COL11A1: variants seen among roughly 807,000 people sequenced by gnomAD.
The protein encoded by COL11A1 is collagen alpha-1(XI) chain.
In COL11A1, 74 loss-of-function variants were observed where a neutral mutation model predicts 265.2. The observed-to-expected ratio is 0.28, with a 90% CI of 0.23 to 0.34. The LOEUF is 0.34. Ranked by LOEUF, COL11A1 falls within the 10% of genes least tolerant of loss-of-function variation. COL11A1 has a pLI of 1.00. For missense variants in COL11A1, 2,165 were observed against 2,263.6 expected, an observed-to-expected ratio of 0.96 and a Z score of 0.88; for synonymous variants, 816 against 727.6, an observed-to-expected ratio of 1.12 and a Z score of -1.96.
intron 25 of COL11A1, 151 bp from the exon 26 acceptor site, chr1:102,997,275 T>C (rs1664722371): frequency 1.4e-6 from 1 of 721,650 alleles, no homozygotes; most frequent in Non-Finnish European, 2.4e-6. Flanking sequence ...TGTATGGCTT[T>C]AAATAAATTG....
intron 1 of COL11A1, among the ~76,000 whole-genome samples, chr1:103,084,809 T>C (rs1050275973): frequency 6.6e-6 from 1 of 152,118 alleles, no homozygotes; most frequent in South Asian, 2.1e-4. Context: ...ATTGAGCAAA[T>C]CAACTTTAAT....
chr1:103,004,091 A>AT (rs1665379586), intron 20 of COL11A1, among the ~76,000 whole-genome samples: 2 of 152,032 alleles, frequency 1.3e-5, no homozygotes, highest in East Asian at 1.9e-4. Flanking sequence ...GTGACATATT[A>AT]TTTTTTTTCT....
chr1:102,881,583 G>C (rs1298836319), intron 65 of COL11A1, 114 bp downstream of exon 65: 22 of 854,114 alleles, frequency 2.6e-5, no homozygotes, highest in Middle Eastern at 2.4e-4. Flanking sequence ...GAGACCACAG[G>C]GAATCCTCAT....
intron 31 of COL11A1, among the ~76,000 whole-genome samples, chr1:102,980,103 G>A (rs1337632785): frequency 6.6e-6 from 1 of 151,970 alleles, no homozygotes; most frequent in South Asian, 2.1e-4. Context: ...AGTAAGTTTG[G>A]TACATTACTT....
chr1:103,033,873 A>T (rs1006263281), intron 4 of COL11A1, among the ~76,000 whole-genome samples: 1 of 152,114 alleles, frequency 6.6e-6, no homozygotes, highest in Non-Finnish European at 1.5e-5. Context: ...GACTCCAGCT[A>T]TCTTCCGACT....
intron 31 of COL11A1, among the ~76,000 whole-genome samples, chr1:102,983,919 G>A (rs1202521996): frequency 6.6e-6 from 1 of 151,962 alleles, no homozygotes; most frequent in African/African-American, 2.4e-5. Flanking sequence ...TTATGCCTTC[G>A]TTTCATGATT....
intron 18 of COL11A1, 150 bp downstream of exon 18, chr1:103,005,688 A>T: frequency 1.3e-6 from 1 of 778,564 alleles, no homozygotes; most frequent in Non-Finnish European, 2.1e-6. Flanking sequence ...GTGTAATTTT[A>T]CCTATTTTCC....
chr1:103,050,672 G>T (rs1669739553), intron 4 of COL11A1, among the ~76,000 whole-genome samples: 1 of 152,074 alleles, frequency 6.6e-6, no homozygotes, highest in Non-Finnish European at 1.5e-5. Flanking sequence ...AGGAGGAGAG[G>T]TCCTCTGATT....
intron 35 of COL11A1, among the ~76,000 whole-genome samples, chr1:102,976,524 C>A (rs1001331345): frequency 6.6e-6 from 1 of 151,910 alleles, no homozygotes; most frequent in African/African-American, 2.4e-5. Flanking sequence ...GTCTCGAACT[C>A]CTGACCTCAG....
chr1:102,983,362 G>GA (rs1391196273), intron 31 of COL11A1, among the ~76,000 whole-genome samples: 4 of 151,740 alleles, frequency 2.6e-5, no homozygotes, highest in Admixed American at 2.0e-4. Context: ...ACTTGGAAAA[G>GA]AAAAAAAAGT....
rs555032774 is a variant in COL11A1, at chr1:102,955,654, A to G, written c.3168+6212T>C. 4.2e-4 allele frequency among the ~76,000 whole-genome samples: 64 copies of G among 152,338 alleles called. 1 individual carries two copies. In the South Asian group the frequency reaches 5.6e-3, roughly 13 times the overall value. On this transcript the variant is annotated intron_variant, in intron 41 of 66. Coordinates refer to ENST00000370096, the MANE Select transcript of COL11A1 (RefSeq NM_001854.4). ...AGAATATCTGGAGGAGAGATTATTT[A>G]GGGAAAATATATTTTCCCTAAATAT...
chr1:102,956,113 C>T (rs190324835), intron 41 of COL11A1, among the ~76,000 whole-genome samples: 1 of 152,204 alleles, frequency 6.6e-6, no homozygotes, highest in Non-Finnish European at 1.5e-5. Flanking sequence ...TTTAGATAAC[C>T]CTAACCTTGA....
intron 4 of COL11A1, among the ~76,000 whole-genome samples, chr1:103,040,905 G>A (rs1668761701): frequency 6.6e-6 from 1 of 151,522 alleles, no homozygotes; most frequent in Admixed American, 6.6e-5. Context: ...GTTTTTGAAA[G>A]ATTATGTATA....
At chr1:102,979,354 T>C in intron 32 of COL11A1, 28 bp downstream of exon 32, 1 of 1,562,858 alleles carries the variant, frequency 6.4e-7, no homozygotes, top group Non-Finnish European at 8.8e-7. Flanking sequence ...CTTATATACA[T>C]AGTTCAAAAC....
intron 46 of COL11A1, among the ~76,000 whole-genome samples, chr1:102,927,514 A>G (rs1354605345): frequency 5.9e-5 from 9 of 152,140 alleles, no homozygotes; most frequent in African/African-American, 2.2e-4. Context: ...CAGGAGATCG[A>G]GACCATCCTG....
intron 41 of COL11A1, among the ~76,000 whole-genome samples, chr1:102,948,954 G>A (rs975273423): frequency 7.9e-5 from 12 of 151,942 alleles, no homozygotes; most frequent in Non-Finnish European, 1.6e-4. Flanking sequence ...AATTCTTTGA[G>A]AGGGAGGTCA....
intron 29 of COL11A1, 32 bp downstream of exon 29, chr1:102,989,486 T>C (rs1434210243): frequency 8.4e-6 from 12 of 1,421,114 alleles, no homozygotes; most frequent in Non-Finnish European, 8.8e-6. Flanking sequence ...TATTAAATTT[T>C]GTGTACTGGT....
chr1:103,023,108 T>A, intron 7 of COL11A1, 112 bp from the exon 8 acceptor site: 1 of 1,111,746 alleles, frequency 9.0e-7, no homozygotes, highest in Non-Finnish European at 1.3e-6. Flanking sequence ...ATTTTGTTAC[T>A]ACTCAAGCAA....
At chr1:102,922,702 A>G (rs1656132350) in intron 47 of COL11A1, among the ~76,000 whole-genome samples, 1 of 152,190 alleles carries the variant, frequency 6.6e-6, no homozygotes, top group Admixed American at 6.5e-5. Flanking sequence ...CCCGGCCAGC[A>G]AAGTTTTTTA....
Sources: allele counts gnomAD v4.1 joint callset (sites outside exome capture counted in the v4.1 genomes callset), GRCh38; gene constraint gnomAD v4.1.1; transcripts MANE v1.5; gene names NCBI Gene and HGNC (gene_info 2026-07-23, HGNC 2026-07-21).